Variants in NUS1 observed in about 807,000 individuals in gnomAD.
The protein encoded by NUS1 is NUS1 dehydrodolichyl diphosphate synthase subunit, also known as dehydrodolichyl diphosphate synthase complex subunit NUS1.
For missense variants in NUS1, 292 were observed against 382.9 expected (o/e 0.76, Z 1.98); for synonymous variants, 135 against 155.2 (o/e 0.87, Z 0.97).
At chr6:117,693,005 C>A (rs1396010709) in intron 1 of NUS1, 37 bp from the exon 2 acceptor site, 1 of 1,555,164 alleles carries the variant, frequency 6.4e-7, no homozygotes, top group Non-Finnish European at 8.8e-7. Flanking sequence ...GAAAAATTAA[C>A]CTAGTTGTGT....
chr6:117,687,611 G>C (rs1773159484), intron 1 of NUS1, among the ~76,000 whole-genome samples: 1 of 152,138 alleles, frequency 6.6e-6, no homozygotes, highest in African/African-American at 2.4e-5. Flanking sequence ...GCATGGGCTT[G>C]GGGAAGTGGC....
intron 1 of NUS1, among the ~76,000 whole-genome samples, chr6:117,681,581 T>C (rs1773062635): frequency 6.6e-6 from 1 of 152,208 alleles, no homozygotes; most frequent in Non-Finnish European, 1.5e-5. Context: ...AAGTTTATTC[T>C]CCTTATGTTG....
chr6:117,691,558 G>GATATATATATATATATATAT (rs60775803), intron 1 of NUS1, among the ~76,000 whole-genome samples: 23 of 136,944 alleles, frequency 1.7e-4, no homozygotes, highest in South Asian at 7.1e-4. Context: ...CATAGATATA[G>GATATATATATATATATATAT]ATATATATAT....
chr6:117,685,765 G>A (rs1773127700), intron 1 of NUS1, among the ~76,000 whole-genome samples: 1 of 152,074 alleles, frequency 6.6e-6, no homozygotes, highest in Admixed American at 6.5e-5. Context: ...AGTCATTATT[G>A]CAAAAACTTA....
At chr6:117,691,352 G>A (rs983469212) in intron 1 of NUS1, among the ~76,000 whole-genome samples, 10 of 151,568 alleles carry the variant, frequency 6.6e-5, no homozygotes, top group Middle Eastern at 6.8e-3. Context: ...TTAACATTCC[G>A]AACTCATGCT....
In NUS1 at chr6:117,709,091, G is replaced by A. The variant is rs1296354576; in HGVS notation, c.*2076G>A. 6 of 152,070 alleles carry A rather than the reference G, an allele frequency of 3.9e-5. No individual in the cohort carries two copies. The East Asian group carries it at 9.6e-4, about 24-fold the overall frequency. The allele number at this position is 152,070 out of a possible 1,614,324, so 9.4% of individuals were successfully genotyped here. On this transcript the variant is annotated 3_prime_UTR_variant, in exon 5 of 5. Coordinates refer to ENST00000368494, the MANE Select transcript of NUS1 (RefSeq NM_138459.5). ...AACTACTAGGATTCTGATTTCAGATGTAGTCATTCCAGAACCTTCTCTTTA... is the reference window on the plus strand; with the variant it reads ...AACTACTAGGATTCTGATTTCAGATATAGTCATTCCAGAACCTTCTCTTTA...
At chr6:117,681,563 ATTT>A (rs1773062340) in intron 1 of NUS1, among the ~76,000 whole-genome samples, 1 of 152,152 alleles carries the variant, frequency 6.6e-6, no homozygotes, top group Admixed American at 6.5e-5. Flanking sequence ...GAGAAGTATG[ATTT>A]TCTTAAGTTT....
Position 117,698,961 on chromosome 6 carries a change from A to G in NUS1, c.692-4644A>G, listed in dbSNP as rs540507500. 8.5e-5 allele frequency among the ~76,000 whole-genome samples: 13 copies of G among 152,298 alleles called. No individual in the cohort carries two copies. In the South Asian group the frequency reaches 1.0e-3, roughly 12 times the overall value. On this transcript the variant is annotated intron_variant, in intron 3 of 4. Coordinates refer to ENST00000368494, the MANE Select transcript of NUS1 (RefSeq NM_138459.5). ...GCATTTGATAAAATTAAACACTTGC[A>G]TGATAAAAACCCTAAAAAATCTGGG...
intron 3 of NUS1, among the ~76,000 whole-genome samples, chr6:117,696,033 G>A (rs1773314754): frequency 6.6e-6 from 1 of 151,978 alleles, no homozygotes; most frequent in African/African-American, 2.4e-5. Flanking sequence ...GGATGTTTGT[G>A]TGTTTTCAAG....
chr6:117,707,849 CAAT>C lies in NUS1; in HGVS notation c.*837_*839del, dbSNP rs533849534. On this transcript the variant is annotated 3_prime_UTR_variant, in exon 5 of 5. Transcript: ENST00000368494. Reference sequence around the variant, plus strand: ...AAAAAACCAAGCAAGCATAAAAGGTCAATAAGTTGTAATCTTGATAGTAAAGGT... The same window carrying C: ...AAAAAACCAAGCAAGCATAAAAGGTCAAGTTGTAATCTTGATAGTAAAGGT... The C allele has an allele frequency of 7.6e-4, 116 of 152,554 alleles. No individual in the cohort carries two copies. The highest frequency in any genetic ancestry group is 2.7e-3 in the African/African-American group (113 of 41,534). The allele number at this position is 152,554 out of a possible 1,614,324, so 9.5% of individuals were successfully genotyped here.
At chr6:117,686,665 T>G (rs1348455886) in intron 1 of NUS1, among the ~76,000 whole-genome samples, 1 of 152,214 alleles carries the variant, frequency 6.6e-6, no homozygotes, top group African/African-American at 2.4e-5. Context: ...TCCTTTTACA[T>G]AAAATAACTT....
chr6:117,687,542 G>A (rs982083914), intron 1 of NUS1, among the ~76,000 whole-genome samples: 2 of 152,172 alleles, frequency 1.3e-5, no homozygotes, highest in African/African-American at 4.8e-5. Flanking sequence ...ATTGGGAAAG[G>A]CCTCTTGAAG....
At position 117,675,913 on chromosome 6, in the gene NUS1, A is replaced by G. The variant is rs1488857538; in HGVS notation, c.243A>G (p.Ala81=). ...GCGGGGGGTCGTGCCTGGCAGCCGC[A>G]CACCACCGGATGCGCTGGCGCGCGG... The part of the protein sequence containing the change: ...HPRGGSCLAA[A]HHRMRWRADG... The change falls in exon 1 of 5, where the codon GCA becomes GCG. Residue 81 remains alanine (A), a synonymous_variant. Coordinates refer to ENST00000368494, the MANE Select transcript of NUS1 (RefSeq NM_138459.5). The G allele has an allele frequency of 1.6e-5, 25 of 1,542,356 alleles. No homozygotes were observed. The highest frequency in any genetic ancestry group is 2.2e-5 in the Non-Finnish European group (25 of 1,142,602).
intron 1 of NUS1, among the ~76,000 whole-genome samples, chr6:117,681,589 T>C (rs1773062707): frequency 6.6e-6 from 1 of 152,206 alleles, no homozygotes; most frequent in Non-Finnish European, 1.5e-5. Context: ...TCTCCTTATG[T>C]TGAAATACAG....
Position 117,690,300 on chromosome 6 carries a change from G to T in NUS1, c.416-2742G>T, listed in dbSNP as rs186380679. Among the ~76,000 whole-genome samples, 114 of 148,260 alleles carry T rather than the reference G, an allele frequency of 7.7e-4. 2 individuals carry two copies. The East Asian group carries it at 0.016, about 21-fold the overall frequency. On this transcript the variant is annotated intron_variant, in intron 1 of 4. Coordinates refer to ENST00000368494, the MANE Select transcript of NUS1 (RefSeq NM_138459.5). ...TCATAATTATTGTGGGCATTCATAC[G>T]TAGTGCCATCTTAGCCTTCTACTTT...
chr6:117,684,203 C>T (rs1474263401), intron 1 of NUS1, among the ~76,000 whole-genome samples: 2 of 152,192 alleles, frequency 1.3e-5, no homozygotes, highest in Non-Finnish European at 2.9e-5. Context: ...CAGTAGTTTG[C>T]TGACCCCTGT....
At chr6:117,694,558 T>C (rs759192788) in intron 3 of NUS1, among the ~76,000 whole-genome samples, 11 of 152,128 alleles carry the variant, frequency 7.2e-5, no homozygotes, top group Non-Finnish European at 1.5e-4. Flanking sequence ...TATGAGGTGA[T>C]CCCAGGAATA....
Position 117,675,476 on chromosome 6 carries a change from TG to T in NUS1, c.-190del. The T allele has an allele frequency of 5.1e-6, 3 of 586,752 alleles. No individual in the cohort carries two copies. 36.3% of individuals were successfully genotyped at this position (586,752 alleles called of 1,614,324 possible). A position where few individuals can be genotyped will look rare whatever the true frequency, so the allele number is the denominator to read the frequency against. ...CCAATCGGAACTGTCCATGTACTAC[TG>T]GGGGCGGGGCTGCCAAGGGAGGAGG... On this transcript the variant is annotated 5_prime_UTR_variant, in exon 1 of 5. Coordinates refer to ENST00000368494, the MANE Select transcript of NUS1 (RefSeq NM_138459.5).
intron 3 of NUS1, among the ~76,000 whole-genome samples, chr6:117,697,850 G>T (rs1773343641): frequency 6.6e-6 from 1 of 152,122 alleles, no homozygotes; most frequent in African/African-American, 2.4e-5. Flanking sequence ...AATGGCTGCA[G>T]AATATACATT....
Sources: gnomAD v4.1 joint callset for allele counts (sites outside exome capture counted in the v4.1 genomes callset) on GRCh38, gnomAD v4.1.1 for gene constraint, MANE v1.5 for transcripts, NCBI Gene and HGNC (gene_info 2026-07-23, HGNC 2026-07-21) for gene names.